INPP4B: variants seen among roughly 807,000 people sequenced by gnomAD.
INPP4B encodes inositol polyphosphate 4-phosphatase type II.
A neutral mutation model predicts 122.5 loss-of-function variants in INPP4B; 55 were observed. That is an observed-to-expected ratio of 0.45 (90% CI 0.36 to 0.56). The LOEUF is 0.56. Ranked by LOEUF, INPP4B falls within the 20% of genes least tolerant of loss-of-function variation. The pLI, the probability that INPP4B is intolerant of heterozygous loss-of-function variation, is 0.00. For missense variants in INPP4B, 1,000 were observed against 1,097.7 expected (o/e 0.91, Z 1.26); for synonymous variants, 403 against 388.7 (o/e 1.04, Z -0.43).
intron 1 of INPP4B, among the ~76,000 whole-genome samples, chr4:142,840,573 T>C (rs1783356927): frequency 6.6e-6 from 1 of 152,156 alleles, no homozygotes; most frequent in African/African-American, 2.4e-5. Context: ...ATAGATCTTC[T>C]GAATATACTA....
chr4:142,389,536 A>T (rs1474918564), intron 7 of INPP4B, among the ~76,000 whole-genome samples: 1 of 152,200 alleles, frequency 6.6e-6, no homozygotes, highest in East Asian at 1.9e-4. Flanking sequence ...AGCAGATCAG[A>T]TATTAGGTTT....
chr4:142,299,413 C>T, intron 9 of INPP4B, among the ~76,000 whole-genome samples: 1 of 151,858 alleles, frequency 6.6e-6, no homozygotes, highest in East Asian at 1.9e-4. Context: ...CCTCGGCCTT[C>T]TAAAGTGCTG....
chr4:142,799,835 TTTTA>T (rs1198248813), intron 1 of INPP4B, among the ~76,000 whole-genome samples: 4 of 151,986 alleles, frequency 2.6e-5, no homozygotes, highest in South Asian at 4.1e-4. Flanking sequence ...CTTTTACATG[TTTTA>T]TTTATCAAAT....
At chr4:142,559,160 A>C (rs1389570750) in intron 2 of INPP4B, among the ~76,000 whole-genome samples, 12 of 152,180 alleles carry the variant, frequency 7.9e-5, no homozygotes. Context: ...AGTGCTTCTC[A>C]GTTTTAGTTG....
In INPP4B at chr4:142,837,175, A is replaced by G. The variant is rs149471592; in HGVS notation, c.-254+9034T>C. 4.6e-3 allele frequency among the ~76,000 whole-genome samples: 694 copies of G among 151,606 alleles called. 5 individuals are homozygous for G. The highest frequency in any genetic ancestry group is 7.8e-3 in the Non-Finnish European group (527 of 67,924). On this transcript the variant is annotated intron_variant, in intron 1 of 25. Coordinates refer to ENST00000262992, the MANE Select transcript of INPP4B (RefSeq NM_001101669.3). ...CAGTCTCAAAAATAATAATAATAAT[A>G]ATAATAATAATAAAGGAAAACCAAG...
chr4:142,672,199 T>C (rs1757091460), intron 2 of INPP4B, among the ~76,000 whole-genome samples: 1 of 152,216 alleles, frequency 6.6e-6, no homozygotes, highest in South Asian at 2.1e-4. Flanking sequence ...AAATATTCAT[T>C]TACAAGTGTT....
At chr4:142,318,090 C>T (rs1000332149) in intron 7 of INPP4B, among the ~76,000 whole-genome samples, 9 of 152,152 alleles carry the variant, frequency 5.9e-5, no homozygotes, top group Non-Finnish European at 1.3e-4. Flanking sequence ...TGCCAGTTGC[C>T]TTTCAGCCTT....
intron 10 of INPP4B, among the ~76,000 whole-genome samples, chr4:142,269,478 AT>A (rs1409200146): frequency 6.6e-6 from 1 of 152,164 alleles, no homozygotes; most frequent in East Asian, 1.9e-4. Context: ...TGCCTTGGTC[AT>A]TTTTTTAGCT....
At chr4:142,551,410 A>G (rs1371951945) in intron 2 of INPP4B, among the ~76,000 whole-genome samples, 1 of 152,214 alleles carries the variant, frequency 6.6e-6, no homozygotes, top group Non-Finnish European at 1.5e-5. Context: ...GCACAGAAAT[A>G]AAAGGGAGGA....
In INPP4B at chr4:142,723,333, T is replaced by A. The variant is rs374987695; in HGVS notation, c.-191+2506A>T. Among the ~76,000 whole-genome samples, 25 of 152,256 alleles carry A rather than the reference T, an allele frequency of 1.6e-4. No homozygotes were observed. The East Asian group carries it at 4.0e-3, about 25-fold the overall frequency. ...TGAAATTTTCTTAATTGAAATTTGATCTATTTCCAGGACATGTAAACCTAT... is the reference window on the plus strand; with the variant it reads ...TGAAATTTTCTTAATTGAAATTTGAACTATTTCCAGGACATGTAAACCTAT... On this transcript the variant is annotated intron_variant, in intron 2 of 25. Coordinates refer to ENST00000262992, the MANE Select transcript of INPP4B (RefSeq NM_001101669.3).
intron 10 of INPP4B, 151 bp from the exon 11 acceptor site, chr4:142,260,715 T>C (rs1739538658): frequency 1.6e-6 from 1 of 608,732 alleles, no homozygotes; most frequent in African/African-American, 1.9e-5. Flanking sequence ...GCTCTATCTT[T>C]ACTACAAAGA....
At chr4:142,566,010 T>A (rs544876938) in intron 2 of INPP4B, 1 of 152,272 alleles carries the variant, frequency 6.6e-6, no homozygotes, top group Non-Finnish European at 1.5e-5. Context: ...CAGTTTGGCA[T>A]TCATTCAGTT....
At chr4:142,255,895 A>G (rs1261056119) in intron 11 of INPP4B, among the ~76,000 whole-genome samples, 1 of 148,710 alleles carries the variant, frequency 6.7e-6, no homozygotes, top group Non-Finnish European at 1.5e-5. Context: ...AATCAACAGA[A>G]TATACATTTT....
chr4:142,036,137 T>C (rs1017190204), intron 25 of INPP4B, among the ~76,000 whole-genome samples: 1 of 152,148 alleles, frequency 6.6e-6, no homozygotes, highest in Non-Finnish European at 1.5e-5. Flanking sequence ...CTCCCACTTA[T>C]AATTGAAAAT....
chr4:142,336,324 C>T (rs1776567666), intron 7 of INPP4B, among the ~76,000 whole-genome samples: 1 of 152,186 alleles, frequency 6.6e-6, no homozygotes, highest in African/African-American at 2.4e-5. Flanking sequence ...GAAAATACCG[C>T]TGGGGGCCAC....
intron 7 of INPP4B, among the ~76,000 whole-genome samples, chr4:142,373,677 A>G (rs1214220514): frequency 6.6e-6 from 1 of 152,016 alleles, no homozygotes; most frequent in Non-Finnish European, 1.5e-5. Context: ...TGTGTCTGAT[A>G]CAGAGCAGTG....
chr4:142,461,861 G>A lies in INPP4B; in HGVS notation c.-127+802C>T, dbSNP rs529551847. ...GTGAGGTCAGGTGACAGATTCGAAA[G>A]CATCTATATTCAGGGGACCAGGAGA... On this transcript the variant is annotated intron_variant, in intron 3 of 25. Coordinates refer to ENST00000262992, the MANE Select transcript of INPP4B (RefSeq NM_001101669.3). Among the ~76,000 whole-genome samples the A allele has an allele frequency of 3.6e-4, 55 of 151,914 alleles. No individual in the cohort carries two copies. The East Asian group carries it at 5.6e-3, about 16-fold the overall frequency.
At position 142,124,590 on chromosome 4, in the gene INPP4B, C is replaced by A. The variant is rs548860328; in HGVS notation, c.1891G>T (p.Ala631Ser). 45 of 1,613,180 alleles carry A rather than the reference C, an allele frequency of 2.8e-5. 1 individual carries two copies. The South Asian group carries it at 4.7e-4, about 17-fold the overall frequency. Residue 631 changes from alanine (A) to serine (S), a missense_variant and splice_region_variant, in exon 19 of 26, where the codon GCA (alanine) becomes TCA (serine). Coordinates refer to ENST00000262992, the MANE Select transcript of INPP4B (RefSeq NM_001101669.3). ...TLRRDIVFSQ[A>S]LAGLVCGFII... ...TAACAATAACAACAGGCACCTACTG[C>A]TTGGCTGAAGACGATGTCTCTTCTT...
chr4:142,508,602 C>A (rs1253285806), intron 2 of INPP4B, among the ~76,000 whole-genome samples: 1 of 152,130 alleles, frequency 6.6e-6, no homozygotes, highest in Non-Finnish European at 1.5e-5. Context: ...AGTTTTGCTG[C>A]CTGTTTAACT....
Sources: gnomAD v4.1 joint callset for allele counts (sites outside exome capture counted in the v4.1 genomes callset) on GRCh38, gnomAD v4.1.1 for gene constraint, MANE v1.5 for transcripts, NCBI Gene and HGNC (gene_info 2026-07-23, HGNC 2026-07-21) for gene names.